ASB3: variants seen among roughly 807,000 people sequenced by gnomAD.
ASB3 encodes the protein ankyrin repeat and SOCS box protein 3.
Under a neutral mutation model 54.5 loss-of-function variants are expected in ASB3, and 41 were observed. The observed-to-expected ratio is 0.75, with a 90% CI of 0.59 to 0.98. The LOEUF (loss-of-function observed/expected upper bound fraction) is 0.98, where lower values mean the gene tolerates loss of function less well. Among genes scored for constraint, ASB3 ranks in the 50% least tolerant of loss-of-function variants. The pLI is 0.00. For missense variants in ASB3, 733 were observed against 620.0 expected (o/e 1.18, Z -1.94); for synonymous variants, 266 against 221.2 (o/e 1.20, Z -1.80).
At chr2:53,676,622 G>A (rs188608687) in intron 9 of ASB3, among the ~76,000 whole-genome samples, 79 of 152,248 alleles carry the variant, frequency 5.2e-4, no homozygotes, top group African/African-American at 1.7e-3. Flanking sequence ...AAAGTATACA[G>A]TAGCATACAG....
At chr2:53,699,635 C>T (rs940751807) in intron 8 of ASB3, among the ~76,000 whole-genome samples, 12 of 148,596 alleles carry the variant, frequency 8.1e-5, no homozygotes, top group African/African-American at 3.0e-4. Flanking sequence ...TCTCATTTGA[C>T]TTGAATTATT....
Position 53,717,776 on chromosome 2 carries a change from TA to T in ASB3, c.605-1034del, listed in dbSNP as rs1325610457. Among the ~76,000 whole-genome samples, 4 of 151,708 alleles carry T rather than the reference TA, an allele frequency of 2.6e-5. No individual in the cohort carries two copies. The East Asian group carries it at 7.7e-4, about 29-fold the overall frequency. ...AACAAGATCCAGACAAGGTTGAAAA[TA>T]AACACAAAGAAACTTCTAAAGCAAT... On this transcript the variant is annotated intron_variant, in intron 5 of 9. Transcript: ENST00000263634.
intron 4 of ASB3, 79 bp from the exon 5 acceptor site, chr2:53,728,926 T>C (rs1485834366): frequency 6.9e-6 from 10 of 1,455,242 alleles, no homozygotes; most frequent in South Asian, 3.0e-5. Flanking sequence ...GTGTTTTTTT[T>C]TTCTTTTTTA....
At chr2:53,692,296 G>GA (rs1668958423) in intron 9 of ASB3, among the ~76,000 whole-genome samples, 1 of 152,078 alleles carries the variant, frequency 6.6e-6, no homozygotes, top group Admixed American at 6.6e-5. Context: ...GAATTTGTAG[G>GA]AAAAATAACA....
At chr2:53,747,841 G>T (rs1014705827) in intron 3 of ASB3, among the ~76,000 whole-genome samples, 1 of 152,178 alleles carries the variant, frequency 6.6e-6, no homozygotes, top group African/African-American at 2.4e-5. Flanking sequence ...CTTCAGACAG[G>T]GTGGGCACAA....
At chr2:53,776,968 T>A (rs1258222563) in intron 1 of ASB3, among the ~76,000 whole-genome samples, 2 of 152,252 alleles carry the variant, frequency 1.3e-5, no homozygotes, top group Non-Finnish European at 2.9e-5. Context: ...CAAATTTATA[T>A]GATGAAAATT....
chr2:53,697,645 G>T (rs529999030), intron 8 of ASB3, among the ~76,000 whole-genome samples: 1 of 152,212 alleles, frequency 6.6e-6, no homozygotes, highest in South Asian at 2.1e-4. Flanking sequence ...TTCAATGGTG[G>T]GACAGGCATA....
At chr2:53,743,219 G>A (rs1419252241) in intron 3 of ASB3, among the ~76,000 whole-genome samples, 1 of 146,570 alleles carries the variant, frequency 6.8e-6, no homozygotes, top group Non-Finnish European at 1.5e-5. Flanking sequence ...TGCCCAGGCT[G>A]GTCTCGAACT....
rs773501905 is a variant in ASB3, at chr2:53,714,434, C to T, written c.930G>A (p.Ala310=). Residue 310 remains alanine (A), a synonymous_variant, in exon 7 of 10, where the codon GCG becomes GCA. Transcript: ENST00000263634. ...GAGAACTGAATCCAAAAACAAGGCA[C>T]GCCTGGGCGTCTGGGCTGTAGCCAT... ...LRNGYSPDAQ[A]CLVFGFSSPV... The T allele has an allele frequency of 2.5e-5, 40 of 1,614,094 alleles. No individual in the cohort carries two copies. Among genetic ancestry groups the T allele is most frequent in the Middle Eastern group, 1.6e-4 (1 of 6,084 alleles).
intron 9 of ASB3, among the ~76,000 whole-genome samples, chr2:53,684,734 A>C (rs547642725): frequency 6.6e-6 from 1 of 152,352 alleles, no homozygotes; most frequent in African/African-American, 2.4e-5. Flanking sequence ...CTGTTTTTAA[A>C]GGGTGCACTC....
intron 3 of ASB3, among the ~76,000 whole-genome samples, chr2:53,749,130 T>C (rs1396982238): frequency 6.6e-6 from 1 of 152,036 alleles, no homozygotes; most frequent in Non-Finnish European, 1.5e-5. Flanking sequence ...CTGAAATTAT[T>C]TCAAAACAAA....
chr2:53,773,791 C>T (rs1410609067), intron 1 of ASB3, among the ~76,000 whole-genome samples: 24 of 150,566 alleles, frequency 1.6e-4, no homozygotes, highest in African/African-American at 3.2e-4. Context: ...TCCCAGCACA[C>T]TGGGAGGCCG....
At chr2:53,710,897 C>A (rs1001481976) in intron 7 of ASB3, among the ~76,000 whole-genome samples, 1 of 152,028 alleles carries the variant, frequency 6.6e-6, no homozygotes, top group Admixed American at 6.6e-5. Context: ...GAGGCCAAGG[C>A]AGGGAGATCA....
At chr2:53,762,669 G>A (rs1212533527) in intron 2 of ASB3, among the ~76,000 whole-genome samples, 1 of 152,154 alleles carries the variant, frequency 6.6e-6, no homozygotes, top group East Asian at 1.9e-4. Context: ...TGTCAGTGAA[G>A]ATCATTACTG....
At position 53,700,487 on chromosome 2, in the gene ASB3, C is replaced by A. The variant is rs753461864; in HGVS notation, c.1022G>T (p.Gly341Val). The part of the protein sequence containing the change: ...FGIVNILLKY[G>V]AQINELHLAY... The stretch of plus-strand genomic sequence containing the variant: ...CAAATGAAGTTCATTTATCTGGGCT[C>A]CATATTTCAAAAGAATGTTCACAAT... The change falls in exon 8 of 10, where the codon GGA becomes GTA. Residue 341 changes from glycine (G) to valine (V), a missense_variant. By Grantham distance (109) the Gly-to-Val change is moderately radical (BLOSUM62 -3). Coordinates refer to ENST00000263634, the MANE Select transcript of ASB3 (RefSeq NM_016115.5). 6.2e-7 allele frequency: 1 copy of A among 1,613,298 alleles called. No homozygotes were observed. Among genetic ancestry groups the A allele is most frequent in the South Asian group, 1.1e-5 (1 of 90,818 alleles).
chr2:53,762,397 A>G (rs1204740475), intron 2 of ASB3, among the ~76,000 whole-genome samples: 2 of 152,232 alleles, frequency 1.3e-5, no homozygotes, highest in Non-Finnish European at 2.9e-5. Context: ...ATAAAATGGT[A>G]GAGTCACTAG....
chr2:53,672,217 G>C (rs1027679330), intron 9 of ASB3, among the ~76,000 whole-genome samples: 1 of 152,172 alleles, frequency 6.6e-6, no homozygotes, highest in Admixed American at 6.5e-5. Context: ...TAAAACCTAA[G>C]TCTAAGCTGG....
chr2:53,730,073 G>A (rs901427241), intron 3 of ASB3, among the ~76,000 whole-genome samples: 6 of 152,044 alleles, frequency 3.9e-5, no homozygotes, highest in Non-Finnish European at 7.4e-5. Context: ...ATCCATCAAT[G>A]AAAATGTAAA....
At chr2:53,710,800 G>A (rs929567043) in intron 7 of ASB3, among the ~76,000 whole-genome samples, 1 of 152,154 alleles carries the variant, frequency 6.6e-6, no homozygotes, top group African/African-American at 2.4e-5. Flanking sequence ...GGTCTAGCCT[G>A]AGACTCTGAT....
Sources: allele counts gnomAD v4.1 joint callset (sites outside exome capture counted in the v4.1 genomes callset), GRCh38; gene constraint gnomAD v4.1.1; transcripts MANE v1.5; gene names NCBI Gene and HGNC (gene_info 2026-07-23, HGNC 2026-07-21).